ANKRD17: variants seen among roughly 807,000 people sequenced by gnomAD.
ANKRD17 encodes the protein ankyrin repeat domain-containing protein 17.
ANKRD17 carries 19 observed loss-of-function variants against 229.7 expected under a neutral mutation model. The observed-to-expected ratio is 0.08, with a 90% CI of 0.06 to 0.12. The LOEUF is 0.12. ANKRD17 is among the 10% of genes least tolerant of loss of function. The pLI, the probability that ANKRD17 is intolerant of heterozygous loss-of-function variation, is 1.00. For missense variants in ANKRD17, 2,176 were observed against 3,176.8 expected (o/e 0.68, Z 7.57); for synonymous variants, 1,112 against 1,146.1 (o/e 0.97, Z 0.60).
At chr4:73,085,008 C>T (rs1002850196) in intron 30 of ANKRD17, among the ~76,000 whole-genome samples, 1 of 151,990 alleles carries the variant, frequency 6.6e-6, no homozygotes, top group Non-Finnish European at 1.5e-5. Context: ...CAGTGAGAGC[C>T]TGTCTCTAAT....
At chr4:73,102,203 C>T (rs1211205029) in intron 25 of ANKRD17, among the ~76,000 whole-genome samples, 173 bp downstream of exon 25, 1 of 152,086 alleles carries the variant, frequency 6.6e-6, no homozygotes, top group Admixed American at 6.6e-5. Context: ...TCAAGTGACT[C>T]GCTCACCTTG....
chr4:73,100,927 T>C (rs1270830494), intron 25 of ANKRD17: 1 of 985,324 alleles, frequency 1.0e-6, no homozygotes, highest in East Asian at 1.1e-4. Context: ...CAGTCCTCTT[T>C]ATCCATAGAT....
intron 1 of ANKRD17, among the ~76,000 whole-genome samples, chr4:73,195,534 GAGTCT>G (rs1737738018): frequency 6.6e-6 from 1 of 151,772 alleles, no homozygotes; most frequent in Non-Finnish European, 1.5e-5. Context: ...CTTTGAGACA[GAGTCT>G]CACTCTGTCA....
chr4:73,227,527 AT>A (rs1742632945), intron 1 of ANKRD17, among the ~76,000 whole-genome samples: 1 of 152,210 alleles, frequency 6.6e-6, no homozygotes, highest in Non-Finnish European at 1.5e-5. Flanking sequence ...AAGACTTTTC[AT>A]TATTTTGCCA....
intron 1 of ANKRD17, among the ~76,000 whole-genome samples, chr4:73,246,842 C>T (rs1250168047): frequency 6.6e-6 from 1 of 152,050 alleles, no homozygotes; most frequent in Non-Finnish European, 1.5e-5. Flanking sequence ...AAATAAGAAA[C>T]AGACACAAGA....
At chr4:73,134,249 C>G (rs1728609790) in intron 16 of ANKRD17, among the ~76,000 whole-genome samples, 1 of 152,138 alleles carries the variant, frequency 6.6e-6, no homozygotes, top group Admixed American at 6.6e-5. Context: ...ACTCCTCTCT[C>G]TTTCTCCCCA....
chr4:73,222,899 T>C, intron 1 of ANKRD17: 1 of 1,198,104 alleles, frequency 8.3e-7, no homozygotes, highest in Non-Finnish European at 1.2e-6. Flanking sequence ...TCTATTCATC[T>C]GTAAAATAAT....
At chr4:73,124,149 A>G (rs1397955722) in intron 18 of ANKRD17, among the ~76,000 whole-genome samples, 2 of 152,042 alleles carry the variant, frequency 1.3e-5, no homozygotes, top group African/African-American at 2.4e-5. Context: ...ATAAGAGAAA[A>G]AAGATTTTAA....
Position 73,183,919 on chromosome 4 carries a change from G to A in ANKRD17, c.394-6386C>T, listed in dbSNP as rs548048993. On this transcript the variant is annotated intron_variant, in intron 1 of 33. Coordinates refer to ENST00000358602, the MANE Select transcript of ANKRD17 (RefSeq NM_032217.5). Reference sequence around the variant, plus strand: ...ACAGTAATATTACTTAGATTTCTAAGATAATTAGAATTCTTTTTCACTTTC... The same window carrying A: ...ACAGTAATATTACTTAGATTTCTAAAATAATTAGAATTCTTTTTCACTTTC... 5.4e-4 allele frequency among the ~76,000 whole-genome samples: 82 copies of A among 152,234 alleles called. 1 individual carries two copies. In the South Asian group the frequency reaches 0.016, roughly 29 times the overall value.
At chr4:73,137,133 C>T (rs1227524502) in intron 15 of ANKRD17, among the ~76,000 whole-genome samples, 1 of 151,950 alleles carries the variant, frequency 6.6e-6, no homozygotes, top group African/African-American at 2.4e-5. Context: ...CATCCATTCT[C>T]TACAACTAAA....
At chr4:73,142,948 C>T (rs1729795535) in intron 11 of ANKRD17, among the ~76,000 whole-genome samples, 181 bp from the exon 12 acceptor site, 1 of 152,136 alleles carries the variant, frequency 6.6e-6, no homozygotes, top group Non-Finnish European at 1.5e-5. Context: ...TACATTAATT[C>T]TCCTCTCCCA....
rs376201909 is a variant in ANKRD17 at position 73,149,012 on chromosome 4, G to T, written c.1368C>A (p.Ser456Arg). The T allele has an allele frequency of 6.2e-7, 1 of 1,612,618 alleles. No individual in the cohort carries two copies. ...CAGCAGGCATGTTCACTTGGGCACC[G>T]CTGTCAAGAAGTAACCTAGCTACTT... ...HVEVARLLLD[S>R]GAQVNMPADS... Residue 456 changes from serine to arginine, a missense_variant, in exon 8 of 34, where the codon AGC becomes AGA. Transcript: ENST00000358602.
intron 3 of ANKRD17, among the ~76,000 whole-genome samples, chr4:73,158,776 T>C (rs2148903028): frequency 1.3e-5 from 2 of 152,332 alleles, no homozygotes; most frequent in East Asian, 3.9e-4. Context: ...TGAGACTGGG[T>C]AGGCTTTATA....
chr4:73,218,233 G>C lies in ANKRD17; in HGVS notation c.393+40043C>G, dbSNP rs138564608. ...AATTCAGAATGCATAAGGGATATCCGCTTTTTAAGTCCACTGCTGAAAACA... is the reference window on the plus strand; with the variant it reads ...AATTCAGAATGCATAAGGGATATCCCCTTTTTAAGTCCACTGCTGAAAACA... On this transcript the variant is annotated intron_variant, in intron 1 of 33. Transcript: ENST00000358602. 2.0e-3 allele frequency among the ~76,000 whole-genome samples: 303 copies of C among 152,262 alleles called. 2 individuals are homozygous for C. The highest frequency in any genetic ancestry group is 6.6e-3 in the African/African-American group (276 of 41,552).
At chr4:73,249,397 A>G (rs968552593) in intron 1 of ANKRD17, among the ~76,000 whole-genome samples, 8 of 152,260 alleles carry the variant, frequency 5.3e-5, no homozygotes, top group African/African-American at 1.9e-4. Context: ...ACAGCCATAA[A>G]GCAGTTCCAT....
At chr4:73,210,099 G>C (rs1275874081) in intron 1 of ANKRD17, among the ~76,000 whole-genome samples, 1 of 152,014 alleles carries the variant, frequency 6.6e-6, no homozygotes, top group East Asian at 1.9e-4. Context: ...AAGGCAATAA[G>C]GTAGAATATT....
Position 73,115,971 on chromosome 4 carries a change from T to A in ANKRD17, c.4189-55A>T, listed in dbSNP as rs546789153. ...AAACAGACTCTAACAGTTCAGTAAA[T>A]CTATGCCTGAACTAACTTTAACAGT... On this transcript the variant is annotated intron_variant, in intron 22 of 33. Coordinates refer to ENST00000358602, the MANE Select transcript of ANKRD17 (RefSeq NM_032217.5). The A allele has an allele frequency of 1.5e-5, 21 of 1,442,946 alleles. No individual in the cohort carries two copies. The East Asian group carries it at 4.1e-4, about 28-fold the overall frequency. 89.4% of individuals were successfully genotyped at this position (1,442,946 alleles called of 1,614,324 possible). A position where few individuals can be genotyped will look rare whatever the true frequency, so the allele number is the denominator to read the frequency against.
chr4:73,195,816 A>G (rs1230909487), intron 1 of ANKRD17, among the ~76,000 whole-genome samples: 2 of 151,274 alleles, frequency 1.3e-5, no homozygotes, highest in Non-Finnish European at 3.0e-5. Flanking sequence ...CTGCTGAAGA[A>G]TTTTTCATGT....
rs748696691 is a variant in ANKRD17 at position 73,167,676 on chromosome 4, A to C, written c.548-6328T>G. Among the ~76,000 whole-genome samples the C allele has an allele frequency of 1.2e-3, 189 of 152,174 alleles. 1 individual carries two copies. The highest frequency in any genetic ancestry group is 2.2e-3 in the Non-Finnish European group (152 of 68,016). ...CTCATAAACTTCTAGAGCAATGTCA[A>C]ATTGCCGGAAAATGCTAAATTAGGT... On this transcript the variant is annotated intron_variant, in intron 2 of 33. Transcript: ENST00000358602.
Sources: gnomAD v4.1 joint callset for allele counts (sites outside exome capture counted in the v4.1 genomes callset) on GRCh38, gnomAD v4.1.1 for gene constraint, MANE v1.5 for transcripts, NCBI Gene and HGNC (gene_info 2026-07-23, HGNC 2026-07-21) for gene names.